RELN: variants seen among roughly 807,000 people sequenced by gnomAD.
RELN encodes reelin.
A neutral mutation model predicts 427.6 loss-of-function variants in RELN; 108 were observed. The ratio of observed to expected loss-of-function variants is 0.25; its 90% CI spans 0.22 to 0.30. The LOEUF is 0.30. Ranked by LOEUF, RELN falls within the 10% of genes least tolerant of loss-of-function variation. The probability of loss-of-function intolerance (pLI) is 1.00; values close to 1 mark genes in which losing one functional copy is unlikely to be tolerated. For missense variants in RELN, 3,715 were observed against 4,302.8 expected, an observed-to-expected ratio of 0.86 and a Z score of 3.82; for synonymous variants, 1,524 against 1,513.4, an observed-to-expected ratio of 1.01 and a Z score of -0.16.
chr7:103,834,980 C>T (rs1003845066), intron 2 of RELN, among the ~76,000 whole-genome samples: 1 of 152,090 alleles, frequency 6.6e-6, no homozygotes, highest in East Asian at 1.9e-4. Context: ...AAATATATGC[C>T]TGACAAAAAC....
At chr7:103,536,999 A>C (rs180689423) in intron 45 of RELN, among the ~76,000 whole-genome samples, 79 of 152,100 alleles carry the variant, frequency 5.2e-4, no homozygotes, top group African/African-American at 1.8e-3. Flanking sequence ...ATTAAGAAAA[A>C]CTCACCATTT....
chr7:103,503,987 C>T (rs1401518693), intron 51 of RELN, among the ~76,000 whole-genome samples: 3 of 151,384 alleles, frequency 2.0e-5, no homozygotes, highest in South Asian at 2.1e-4. Flanking sequence ...GGGTGGATCA[C>T]GAGGTCAGGA....
intron 2 of RELN, among the ~76,000 whole-genome samples, chr7:103,912,918 A>ATTT (rs3216273): frequency 3.3e-5 from 5 of 151,388 alleles, no homozygotes; most frequent in Middle Eastern, 3.4e-3. Context: ...AGAGAGAATC[A>ATTT]TTTTTTTTTC....
At chr7:103,837,153 C>A (rs1179013784) in intron 2 of RELN, among the ~76,000 whole-genome samples, 2 of 152,174 alleles carry the variant, frequency 1.3e-5, no homozygotes, top group African/African-American at 2.4e-5. Flanking sequence ...AGGTTCCCAT[C>A]ATTCTTCCCC....
At chr7:103,590,059 T>C (rs891933385) in intron 27 of RELN, among the ~76,000 whole-genome samples, 2 of 152,218 alleles carry the variant, frequency 1.3e-5, no homozygotes, top group Non-Finnish European at 1.5e-5. Flanking sequence ...TGTGGATTTC[T>C]TGGGATTATA....
At chr7:103,554,569 CA>C (rs56319660) in intron 38 of RELN, among the ~76,000 whole-genome samples, 99 of 103,308 alleles carry the variant, frequency 9.6e-4, no homozygotes, top group African/African-American at 1.5e-3. Flanking sequence ...GATGCTGTCT[CA>C]AAAAAAAAAA....
Position 103,631,527 on chromosome 7 carries a change from C to G in RELN, c.2466-1351G>C, listed in dbSNP as rs557856025. Reference sequence around the variant, plus strand: ...CAGGATGGTCTCAATCTCCTAACCTCGTGATCTGCCTGCCTCGGCCTCCCA... The same window carrying G: ...CAGGATGGTCTCAATCTCCTAACCTGGTGATCTGCCTGCCTCGGCCTCCCA... On this transcript the variant is annotated intron_variant, in intron 19 of 64. Transcript: ENST00000428762. 2.2e-3 allele frequency among the ~76,000 whole-genome samples: 329 copies of G among 152,146 alleles called. 1 individual carries two copies. The highest frequency in any genetic ancestry group is 7.5e-3 in the African/African-American group (313 of 41,528).
intron 59 of RELN, 84 bp downstream of exon 59, chr7:103,490,584 A>C: frequency 1.4e-6 from 2 of 1,415,320 alleles, no homozygotes; most frequent in Non-Finnish European, 2.0e-6. Context: ...TCTGCCTCAC[A>C]CTGTCAGTTG....
Position 103,572,208 on chromosome 7 carries a change from T to C in RELN, c.4564A>G (p.Ile1522Val), listed in dbSNP as rs757322020. 1 of 1,592,744 alleles carries C rather than the reference T, an allele frequency of 6.3e-7. No individual in the cohort carries two copies. Among genetic ancestry groups the C allele is most frequent in the East Asian group, 2.2e-5 (1 of 44,756 alleles). ...CCTTCATTTCTAGTTCTTGGTTTGATGCAGGTAATGCCTGAAGTTTTGCTT... is the reference window on the plus strand; with the variant it reads ...CCTTCATTTCTAGTTCTTGGTTTGACGCAGGTAATGCCTGAAGTTTTGCTT... ...IGSKTSGITC[I>V]KPRTRNEGLI... is the part of the protein sequence containing the mutation. Residue 1522 changes from isoleucine (I) to valine (V), a missense_variant, in exon 31 of 65, where the codon ATC (isoleucine) becomes GTC (valine). Physicochemically the swap from Ile to Val is conservative, Grantham distance 29. This residue lies in a region of RELN where 2,208 missense variants were observed against 2,361.7 expected (regional missense o/e 0.93). Transcript: ENST00000428762.
intron 2 of RELN, among the ~76,000 whole-genome samples, chr7:103,872,056 T>TC (rs1225964710): frequency 6.8e-6 from 1 of 146,344 alleles, no homozygotes; most frequent in African/African-American, 2.5e-5. Context: ...TTTTTTCTTT[T>TC]TTTATTTATT....
At chr7:103,757,085 G>T (rs976215657) in intron 4 of RELN, among the ~76,000 whole-genome samples, 2 of 152,186 alleles carry the variant, frequency 1.3e-5, no homozygotes, top group East Asian at 1.9e-4. Flanking sequence ...GCCTGAGGAA[G>T]AATGATATAG....
chr7:103,588,762 T>G (rs967044133), intron 28 of RELN, among the ~76,000 whole-genome samples: 1 of 152,172 alleles, frequency 6.6e-6, no homozygotes, highest in African/African-American at 2.4e-5. Context: ...GTGAGTGTTT[T>G]GAAGATCATA....
chr7:103,502,965 G>T (rs1173781650), intron 52 of RELN, 51 bp downstream of exon 52: 50 of 1,443,806 alleles, frequency 3.5e-5, no homozygotes, highest in Non-Finnish European at 4.4e-5. Flanking sequence ...GTACCTAATG[G>T]TGTACCTTCT....
intron 2 of RELN, among the ~76,000 whole-genome samples, chr7:103,879,211 T>C (rs1794551596): frequency 6.6e-6 from 1 of 152,204 alleles, no homozygotes; most frequent in Non-Finnish European, 1.5e-5. Context: ...CTCCTAGCTT[T>C]AATTTTTACA....
At chr7:103,477,713 TA>T (rs1436497493) in intron 64 of RELN, among the ~76,000 whole-genome samples, 1 of 152,232 alleles carries the variant, frequency 6.6e-6, no homozygotes, top group African/African-American at 2.4e-5. Context: ...CAGGGAGCTG[TA>T]AGGATTAAAT....
chr7:103,813,564 A>G (rs1056526066), intron 3 of RELN, among the ~76,000 whole-genome samples: 1 of 148,970 alleles, frequency 6.7e-6, no homozygotes, highest in Non-Finnish European at 1.5e-5. Context: ...TAATTTTTGT[A>G]CATACATATA....
intron 52 of RELN, among the ~76,000 whole-genome samples, chr7:103,501,433 A>C (rs1383785880): frequency 2.0e-5 from 3 of 152,216 alleles, no homozygotes; most frequent in Admixed American, 2.0e-4. Context: ...TTAGAAAACA[A>C]TTTTGAAAGG....
intron 6 of RELN, among the ~76,000 whole-genome samples, chr7:103,740,976 C>T (rs476736): frequency 0.22 from 33,261 of 152,114 alleles, 4,811 homozygotes; most frequent in African/African-American, 0.41. Flanking sequence ...CACTTTGCTT[C>T]TATCTGGTGG....
intron 2 of RELN, among the ~76,000 whole-genome samples, chr7:103,849,933 A>G (rs367553063): frequency 3.3e-5 from 5 of 152,348 alleles, no homozygotes; most frequent in Admixed American, 6.5e-5. Context: ...TTAATAAAAC[A>G]TATGAAATCA....
Sources: gnomAD v4.1 joint callset for allele counts (sites outside exome capture counted in the v4.1 genomes callset) on GRCh38, gnomAD v4.1.1 for gene constraint, gnomAD v4.1.1 regional missense constraint, MANE v1.5 for transcripts, NCBI Gene and HGNC (gene_info 2026-07-23, HGNC 2026-07-21) for gene names.